Variants in WDPCP observed in about 807,000 individuals in gnomAD.
WDPCP encodes the protein WD repeat containing planar cell polarity effector.
Under a neutral mutation model 93.1 loss-of-function variants are expected in WDPCP, and 71 were observed. That is an observed-to-expected ratio of 0.76 (90% CI 0.63 to 0.93). The LOEUF is 0.93. Ranked by LOEUF, WDPCP falls within the 40% of genes least tolerant of loss-of-function variation. The probability of loss-of-function intolerance (pLI) is 0.00; values close to 1 mark genes in which losing one functional copy is unlikely to be tolerated. For synonymous variants in WDPCP, 315 were observed against 315.0 expected, an observed-to-expected ratio of 1.00 and a Z score of 0.00; for missense variants, 844 against 887.4, an observed-to-expected ratio of 0.95 and a Z score of 0.62.
chr2:63,155,400 A>C (rs1314819818), intron 15 of WDPCP, among the ~76,000 whole-genome samples: 1 of 152,122 alleles, frequency 6.6e-6, no homozygotes, highest in African/African-American at 2.4e-5. Context: ...TCCTTTCTCC[A>C]TTGAATTACC....
At chr2:63,793,688 T>G (rs1025308788) in intron 2 of WDPCP, among the ~76,000 whole-genome samples, 1 of 152,140 alleles carries the variant, frequency 6.6e-6, no homozygotes, top group Admixed American at 6.6e-5. Flanking sequence ...TAGCTATACA[T>G]GCATCCCCGA....
At chr2:63,810,315 T>G (rs140334541) in intron 2 of WDPCP, among the ~76,000 whole-genome samples, 1,898 of 152,366 alleles carry the variant, frequency 0.012, 17 homozygotes, top group Non-Finnish European at 0.015. Context: ...TTGACCTGTA[T>G]TTATCTTTGT....
chr2:63,805,943 A>AATTTACAAAAATT (rs1246425195), intron 2 of WDPCP, among the ~76,000 whole-genome samples: 2 of 152,142 alleles, frequency 1.3e-5, no homozygotes, highest in African/African-American at 2.4e-5. Context: ...AACATGGCAA[A>AATTTACAAAAATT]ACCCCATCTC....
chr2:63,431,090 G>C (rs75581363), intron 9 of WDPCP, among the ~76,000 whole-genome samples: 22 of 152,102 alleles, frequency 1.4e-4, no homozygotes, highest in African/African-American at 5.3e-4. Flanking sequence ...GTTAAAACTC[G>C]CATTTGGTTC....
chr2:63,127,662 CATATATATAT>C lies in WDPCP; in HGVS notation c.2191-5616_2191-5607del, dbSNP rs67091232. Among the ~76,000 whole-genome samples, 804 of 131,694 alleles carry C rather than the reference CATATATATAT, an allele frequency of 6.1e-3. 9 individuals are homozygous for C. Among genetic ancestry groups the C allele is most frequent in the East Asian group, 0.01 (44 of 4,324 alleles). The allele number at this position is 131,694 out of a possible 152,430, so 86.4% of individuals were successfully genotyped here. On this transcript the variant is annotated intron_variant, in intron 17 of 17. Coordinates refer to ENST00000272321, the MANE Select transcript of WDPCP (RefSeq NM_015910.7). The stretch of plus-strand genomic sequence containing the variant: ...TGTAAATACCGTGTATGTGTATGTG[CATATATATAT>C]ATATATATATATATATATATATACG...
At chr2:63,409,914 G>A (rs1694905291) in intron 9 of WDPCP, among the ~76,000 whole-genome samples, 1 of 152,176 alleles carries the variant, frequency 6.6e-6, no homozygotes, top group Non-Finnish European at 1.5e-5. Context: ...AGAATAATTG[G>A]TGTTCCTGAG....
chr2:63,151,277 T>G (rs892359282), intron 17 of WDPCP, among the ~76,000 whole-genome samples: 1 of 152,102 alleles, frequency 6.6e-6, no homozygotes, highest in Admixed American at 6.6e-5. Flanking sequence ...CAGGGTGGAG[T>G]GCAGTGGTGT....
intron 2 of WDPCP, among the ~76,000 whole-genome samples, chr2:63,749,871 G>A (rs1057020777): frequency 1.3e-5 from 2 of 152,014 alleles, no homozygotes; most frequent in Non-Finnish European, 2.9e-5. Context: ...TGTATTAAAT[G>A]TTTATATCCC....
intron 6 of WDPCP, among the ~76,000 whole-genome samples, chr2:63,480,193 C>G (rs1441228686): frequency 6.6e-6 from 1 of 152,018 alleles, no homozygotes; most frequent in Non-Finnish European, 1.5e-5. Flanking sequence ...AGTGAGAGAT[C>G]TCTACAAGGA....
chr2:63,356,918 A>T (rs1690057537), intron 12 of WDPCP, among the ~76,000 whole-genome samples: 1 of 152,216 alleles, frequency 6.6e-6, no homozygotes, highest in African/African-American at 2.4e-5. Context: ...CTACTGGTAT[A>T]AAAACAGACA....
chr2:63,366,980 C>G (rs1690962316), intron 12 of WDPCP, among the ~76,000 whole-genome samples: 1 of 151,722 alleles, frequency 6.6e-6, no homozygotes, highest in South Asian at 2.1e-4. Context: ...TAAATGTGAT[C>G]ATGTTTATAA....
intron 14 of WDPCP, among the ~76,000 whole-genome samples, chr2:63,183,796 A>G (rs1185198325): frequency 6.6e-6 from 1 of 151,932 alleles, no homozygotes; most frequent in African/African-American, 2.4e-5. Flanking sequence ...TGTGACTCTG[A>G]CTGCTCCAGT....
chr2:63,370,838 G>A (rs1691316527), intron 12 of WDPCP, among the ~76,000 whole-genome samples: 1 of 151,000 alleles, frequency 6.6e-6, no homozygotes, highest in Non-Finnish European at 1.5e-5. Context: ...GACTAATCTT[G>A]TCAAAGAAGA....
chr2:63,501,804 C>T (rs934471215), intron 1 of WDPCP, among the ~76,000 whole-genome samples: 1 of 152,058 alleles, frequency 6.6e-6, no homozygotes, highest in Non-Finnish European at 1.5e-5. Context: ...TTAATAGAGA[C>T]AGCATTTCAC....
intron 1 of WDPCP, among the ~76,000 whole-genome samples, chr2:63,529,766 G>A (rs766005831): frequency 1.3e-5 from 2 of 152,144 alleles, no homozygotes; most frequent in Non-Finnish European, 2.9e-5. Context: ...AGTTTCAGAA[G>A]GAATGGTACC....
At chr2:63,132,983 CT>C (rs1292278688) in intron 17 of WDPCP, among the ~76,000 whole-genome samples, 2 of 152,188 alleles carry the variant, frequency 1.3e-5, no homozygotes, top group African/African-American at 4.8e-5. Flanking sequence ...AGAAAAACAG[CT>C]ACTTCTCCCA....
chr2:63,615,131 C>T (rs1051623197), intron 3 of WDPCP, among the ~76,000 whole-genome samples: 2 of 152,192 alleles, frequency 1.3e-5, no homozygotes, highest in African/African-American at 4.8e-5. Context: ...AATCACTTAC[C>T]TTTTAACAAA....
intron 6 of WDPCP, among the ~76,000 whole-genome samples, chr2:63,469,436 T>C (rs546511359): frequency 1.3e-5 from 2 of 152,248 alleles, no homozygotes; most frequent in African/African-American, 4.8e-5. Context: ...AGCAAAGACA[T>C]GGAATCAACC....
At chr2:63,148,611 G>A (rs576221424) in intron 17 of WDPCP, among the ~76,000 whole-genome samples, 39 of 151,458 alleles carry the variant, frequency 2.6e-4, no homozygotes, top group African/African-American at 8.5e-4. Flanking sequence ...ACTACCCAAA[G>A]TGCTGGGATT....
Sources: allele counts gnomAD v4.1 joint callset (sites outside exome capture counted in the v4.1 genomes callset), GRCh38; gene constraint gnomAD v4.1.1; transcripts MANE v1.5; gene names NCBI Gene and HGNC (gene_info 2026-07-23, HGNC 2026-07-21).